TBC1D22A: variants seen among roughly 807,000 people sequenced by gnomAD.
TBC1D22A encodes TBC1 domain family member 22A.
Under a neutral mutation model 60.2 loss-of-function variants are expected in TBC1D22A, and 38 were observed. The observed-to-expected ratio is 0.63, with a 90% CI of 0.49 to 0.83. The LOEUF is 0.83. TBC1D22A is among the 40% of genes least tolerant of loss of function. The pLI, the probability that TBC1D22A is intolerant of heterozygous loss-of-function variation, is 0.00. For missense variants in TBC1D22A, 628 were observed against 701.0 expected, an observed-to-expected ratio of 0.90 and a Z score of 1.18; for synonymous variants, 302 against 281.7, an observed-to-expected ratio of 1.07 and a Z score of -0.72.
chr22:46,961,069 AAC>A (rs1026774524), intron 8 of TBC1D22A, among the ~76,000 whole-genome samples: 1 of 151,840 alleles, frequency 6.6e-6, no homozygotes, highest in Non-Finnish European at 1.5e-5. Context: ...GGAAGATACA[AAC>A]ACAGATCTTT....
At chr22:46,879,161 A>G (rs2067723772) in intron 5 of TBC1D22A, among the ~76,000 whole-genome samples, 1 of 150,848 alleles carries the variant, frequency 6.6e-6, no homozygotes, top group South Asian at 2.1e-4. Context: ...TGTTAGGAAA[A>G]GAGAAGAAAT....
intron 4 of TBC1D22A, among the ~76,000 whole-genome samples, chr22:46,872,942 C>A (rs959676008): frequency 6.6e-6 from 1 of 152,132 alleles, no homozygotes; most frequent in Non-Finnish European, 1.5e-5. Flanking sequence ...AGGAACCTGG[C>A]GAATGAGCCA....
At chr22:46,994,181 G>C (rs1164856699) in intron 9 of TBC1D22A, among the ~76,000 whole-genome samples, 1 of 152,100 alleles carries the variant, frequency 6.6e-6, no homozygotes, top group African/African-American at 2.4e-5. Context: ...TGAACAAATT[G>C]AGAAATAAAA....
intron 3 of TBC1D22A, among the ~76,000 whole-genome samples, chr22:46,796,229 G>C (rs566477630): frequency 6.6e-6 from 1 of 152,312 alleles, no homozygotes; most frequent in South Asian, 2.1e-4. Flanking sequence ...CACTTTAGCA[G>C]ACTTTTCTGG....
At chr22:47,085,541 C>T (rs757696946) in intron 11 of TBC1D22A, among the ~76,000 whole-genome samples, 8 of 152,098 alleles carry the variant, frequency 5.3e-5, no homozygotes, top group Non-Finnish European at 1.0e-4. Flanking sequence ...CCCAATCAAA[C>T]TTGAGCTATA....
intron 11 of TBC1D22A, among the ~76,000 whole-genome samples, chr22:47,094,575 C>T (rs1222265141): frequency 2.0e-5 from 3 of 152,206 alleles, no homozygotes; most frequent in Non-Finnish European, 2.9e-5. Flanking sequence ...TAAATGCCCT[C>T]TGTCTATTTA....
chr22:46,918,254 T>C (rs2070514394), intron 8 of TBC1D22A, among the ~76,000 whole-genome samples: 1 of 152,176 alleles, frequency 6.6e-6, no homozygotes, highest in African/African-American at 2.4e-5. Context: ...GTCCCTGTCC[T>C]AGGTTTGGAG....
chr22:46,938,654 C>G (rs1446816175), intron 8 of TBC1D22A, among the ~76,000 whole-genome samples: 2 of 150,562 alleles, frequency 1.3e-5, no homozygotes, highest in Non-Finnish European at 2.9e-5. Flanking sequence ...GGCACAATCT[C>G]AGCTTACTGC....
intron 4 of TBC1D22A, among the ~76,000 whole-genome samples, chr22:46,877,048 T>C (rs2067601498): frequency 6.6e-6 from 1 of 152,252 alleles, no homozygotes; most frequent in African/African-American, 2.4e-5. Flanking sequence ...TTTTTGTCTG[T>C]ATTCAGAAGT....
intron 12 of TBC1D22A, among the ~76,000 whole-genome samples, chr22:47,170,066 G>A (rs1388664997): frequency 6.6e-6 from 1 of 152,220 alleles, no homozygotes; most frequent in Non-Finnish European, 1.5e-5. Flanking sequence ...AGACGACGTG[G>A]CCTAGTGCAT....
intron 8 of TBC1D22A, among the ~76,000 whole-genome samples, chr22:46,956,107 T>A (rs2148030403): frequency 6.6e-6 from 1 of 152,230 alleles, no homozygotes; most frequent in South Asian, 2.1e-4. Flanking sequence ...TCTGGTTTAT[T>A]GAAAATGTGT....
At chr22:46,993,932 C>T (rs919140751) in intron 9 of TBC1D22A, among the ~76,000 whole-genome samples, 35 of 152,202 alleles carry the variant, frequency 2.3e-4, no homozygotes, top group African/African-American at 8.0e-4. Context: ...TTAGCCTTGG[C>T]GCCTCGCCCT....
intron 1 of TBC1D22A, among the ~76,000 whole-genome samples, chr22:46,787,468 C>A (rs1036564151): frequency 3.3e-5 from 5 of 152,116 alleles, no homozygotes; most frequent in African/African-American, 1.2e-4. Context: ...TTTGGCATTT[C>A]CATGTAACAT....
At chr22:46,845,098 A>G (rs1257055003) in intron 4 of TBC1D22A, among the ~76,000 whole-genome samples, 1 of 152,234 alleles carries the variant, frequency 6.6e-6, no homozygotes, top group African/African-American at 2.4e-5. Flanking sequence ...TGCCTGTGCC[A>G]GGAGAAGGCC....
rs185471433 is a variant in TBC1D22A at position 46,872,657 on chromosome 22, C to T, written c.638-5996C>T. Among the ~76,000 whole-genome samples the T allele has an allele frequency of 2.7e-4, 41 of 152,224 alleles. No individual in the cohort carries two copies. In the East Asian group the frequency reaches 6.6e-3, roughly 24 times the overall value. The stretch of plus-strand genomic sequence containing the variant: ...CAAGCAGCAGCATAAGTGGGGGAAC[C>T]CTAATGAAACAGGCAGCTTTGCTGA... On this transcript the variant is annotated intron_variant, in intron 4 of 12. Transcript: ENST00000337137.
At chr22:46,802,758 G>A (rs1250101877) in intron 4 of TBC1D22A, among the ~76,000 whole-genome samples, 1 of 152,056 alleles carries the variant, frequency 6.6e-6, no homozygotes, top group East Asian at 1.9e-4. Context: ...TGGACGACGT[G>A]GAGTCCTTGG....
At chr22:46,787,531 C>A (rs1402762940) in intron 1 of TBC1D22A, among the ~76,000 whole-genome samples, 2 of 152,056 alleles carry the variant, frequency 1.3e-5, no homozygotes, top group Non-Finnish European at 2.9e-5. Context: ...TACAGTGAAA[C>A]CCCACAGAAC....
intron 11 of TBC1D22A, among the ~76,000 whole-genome samples, chr22:47,092,926 C>T (rs1013284152): frequency 6.6e-6 from 1 of 152,196 alleles, no homozygotes; most frequent in Non-Finnish European, 1.5e-5. Context: ...TAGAGTGGTG[C>T]TCACAGACCA....
intron 11 of TBC1D22A, among the ~76,000 whole-genome samples, chr22:47,084,021 C>A (rs1249285878): frequency 6.6e-6 from 1 of 152,186 alleles, no homozygotes; most frequent in East Asian, 1.9e-4. Context: ...TACCAGTGTA[C>A]ACTGTGAAAA....
Sources: gnomAD v4.1 joint callset for allele counts (sites outside exome capture counted in the v4.1 genomes callset) on GRCh38, gnomAD v4.1.1 for gene constraint, MANE v1.5 for transcripts, NCBI Gene and HGNC (gene_info 2026-07-23, HGNC 2026-07-21) for gene names.